Variants in CROCC2 observed in about 807,000 individuals in gnomAD.
CROCC2 encodes ciliary rootlet coiled-coil, rootletin family member 2, also known as ciliary rootlet coiled-coil protein 2.
CROCC2 carries 163 observed loss-of-function variants against 177.6 expected under a neutral mutation model. The ratio of observed to expected loss-of-function variants is 0.92; its 90% CI spans 0.81 to 1.05. The LOEUF (loss-of-function observed/expected upper bound fraction) is 1.05, where lower values mean the gene tolerates loss of function less well. Ranked by LOEUF, CROCC2 falls within the 50% of genes least tolerant of loss-of-function variation. The pLI, the probability that CROCC2 is intolerant of heterozygous loss-of-function variation, is 0.00. For synonymous variants in CROCC2, 904 were observed against 787.3 expected (o/e 1.15, Z -2.48); for missense variants, 1,929 against 1,797.8 (o/e 1.07, Z -1.32).
In CROCC2 at chr2:240,936,819, T is replaced by C. The variant is rs570436738; in HGVS notation, c.2169+1231T>C. Reference sequence around the variant, plus strand: ...TTCTACTGCCTTGGCCCTGTACTTATGTTGCATTGTGTGACACACACTTGG... The same window carrying C: ...TTCTACTGCCTTGGCCCTGTACTTACGTTGCATTGTGTGACACACACTTGG... On this transcript the variant is annotated intron_variant, in intron 14 of 31. Coordinates refer to ENST00000690015, the MANE Select transcript of CROCC2 (RefSeq NM_001351305.2). 1.9e-3 allele frequency among the ~76,000 whole-genome samples: 282 copies of C among 152,332 alleles called. 1 individual carries two copies. Among genetic ancestry groups the C allele is most frequent in the Non-Finnish European group, 3.1e-3 (212 of 68,030 alleles).
intron 5 of CROCC2, among the ~76,000 whole-genome samples, chr2:240,928,643 C>G (rs1285798481): frequency 6.6e-6 from 1 of 152,216 alleles, no homozygotes; most frequent in East Asian, 1.9e-4. Flanking sequence ...TCAGCCTGCT[C>G]TTGTGATGAA....
At chr2:240,961,821 A>ACT (rs2059639449) in intron 20 of CROCC2, among the ~76,000 whole-genome samples, 1 of 38,104 alleles carries the variant, frequency 2.6e-5, no homozygotes, top group Non-Finnish European at 5.3e-5. Flanking sequence ...ATACACTCAC[A>ACT]CACACGCACG....
Position 240,935,431 on chromosome 2 carries a change from A to G in CROCC2, c.2012A>G (p.Gln671Arg). ...LEQERARAGE[Q>R]LAQAEQQLAL... Reference sequence around the variant, plus strand: ...CAGGAACGGGCCCGGGCCGGGGAGCAGCTGGCACAGGCGGAGCAGCAGCTG... The same window carrying G: ...CAGGAACGGGCCCGGGCCGGGGAGCGGCTGGCACAGGCGGAGCAGCAGCTG... The change falls in exon 14 of 32, where the codon CAG becomes CGG. Residue 671 changes from glutamine (Q) to arginine (R), a missense_variant. Gln to Arg is a conservative substitution (Grantham distance 43, BLOSUM62 1). Around this residue, in one of 3 missense-constraint regions of CROCC2, gnomAD observed 1,397 missense variants for 1,239.9 expected, o/e 1.13. Coordinates refer to ENST00000690015, the MANE Select transcript of CROCC2 (RefSeq NM_001351305.2). 1 of 1,374,448 alleles carries G rather than the reference A, an allele frequency of 7.3e-7. No homozygotes were observed. Among genetic ancestry groups the G allele is most frequent in the South Asian group, 1.8e-5 (1 of 55,504 alleles). The allele number at this position is 1,374,448 out of a possible 1,614,324, so 85.1% of individuals were successfully genotyped here.
chr2:240,982,813 A>T lies in CROCC2; in HGVS notation c.4402-67A>T. The T allele has an allele frequency of 7.0e-7, 1 of 1,427,428 alleles. No individual in the cohort carries two copies. The highest frequency in any genetic ancestry group is 2.5e-5 in the East Asian group (1 of 39,948). 88.4% of individuals were successfully genotyped at this position (1,427,428 alleles called of 1,614,324 possible). On this transcript the variant is annotated intron_variant, in intron 27 of 31. Transcript: ENST00000690015. The surrounding 1 kb of genome is among the most constrained non-coding windows in gnomAD (Gnocchi z 4.7). ...CGGTCTAGGCAGATGCCCTGAGGCC[A>T]GGGTTTCCCTGCAGGGCCTCCCACC...
In CROCC2 at chr2:240,949,097, G is replaced by C. The variant is rs1397135077; in HGVS notation, c.2482G>C (p.Val828Leu). ...SAGLARQALQ[V>L]EMEQLQSDWE... ...AGGACTCGCGCGGCAGGCCTTGCAA[G>C]GTGCTCCAAGGGCGCTCCCTCAGCT... Residue 828 changes from valine to leucine, a missense_variant and splice_region_variant, in exon 16 of 32, where the codon GTG becomes CTG. Around this residue, in one of 3 missense-constraint regions of CROCC2, gnomAD observed 1,397 missense variants for 1,239.9 expected, o/e 1.13. Coordinates refer to ENST00000690015, the MANE Select transcript of CROCC2 (RefSeq NM_001351305.2). The surrounding 1 kb of genome is among the most constrained non-coding windows in gnomAD (Gnocchi z 4.5). The C allele has an allele frequency of 9.8e-6, 15 of 1,536,088 alleles. No homozygotes were observed. The highest frequency in any genetic ancestry group is 1.1e-5 in the Non-Finnish European group (12 of 1,141,670).
intron 8 of CROCC2, 63 bp downstream of exon 8, chr2:240,932,477 C>G: frequency 1.4e-6 from 1 of 714,428 alleles, no homozygotes; most frequent in Non-Finnish European, 2.6e-6. Context: ...CAGGAGTCTC[C>G]CCTGCCACAG....
intron 5 of CROCC2, among the ~76,000 whole-genome samples, chr2:240,928,977 G>C (rs1462754659): frequency 6.6e-6 from 1 of 151,442 alleles, no homozygotes; most frequent in Non-Finnish European, 1.5e-5. Context: ...GGCCAGGTAT[G>C]GGTTCAGAGA....
At chr2:240,920,633 G>A (rs1213423351) in intron 3 of CROCC2, among the ~76,000 whole-genome samples, 1 of 152,240 alleles carries the variant, frequency 6.6e-6, no homozygotes, top group East Asian at 1.9e-4. Flanking sequence ...GAGGCTGGCC[G>A]GGGCCGCTTG....
chr2:240,965,161 T>A (rs1043504932), intron 22 of CROCC2, among the ~76,000 whole-genome samples: 3 of 152,074 alleles, frequency 2.0e-5, no homozygotes, highest in African/African-American at 7.2e-5. Context: ...TTGTCCCAGG[T>A]CCTCCAAGGA....
chr2:240,919,558 C>T (rs2059344573), intron 2 of CROCC2, among the ~76,000 whole-genome samples: 1 of 152,066 alleles, frequency 6.6e-6, no homozygotes, highest in African/African-American at 2.4e-5. Flanking sequence ...TGTCCAGCCT[C>T]CTGCAGGCCC....
At chr2:240,967,242 C>T (rs945881581) in intron 25 of CROCC2, 103 bp from the exon 26 acceptor site, 32 of 517,902 alleles carry the variant, frequency 6.2e-5, no homozygotes, top group Non-Finnish European at 8.7e-5. Flanking sequence ...CACCTGCAGG[C>T]CAGACCGTGA....
intron 28 of CROCC2, 139 bp downstream of exon 28, chr2:240,983,168 G>A (rs2059813134): frequency 4.2e-6 from 4 of 950,422 alleles, no homozygotes; most frequent in African/African-American, 1.7e-5. Context: ...AGGCAGGTGA[G>A]CAGGCCTGCA....
chr2:240,939,822 T>C (rs1209142535), intron 14 of CROCC2, among the ~76,000 whole-genome samples: 2 of 152,210 alleles, frequency 1.3e-5, no homozygotes, highest in East Asian at 1.9e-4. Context: ...TATTTGGACA[T>C]ATATGGCCTA....
rs1420794023 is a variant in CROCC2 at position 240,932,839 on chromosome 2, C to T, written c.1182C>T (p.Ser394=). The T allele has an allele frequency of 6.5e-7, 1 of 1,544,820 alleles. No individual in the cohort carries two copies. The highest frequency in any genetic ancestry group is 2.0e-5 in the Admixed American group (1 of 50,418). The stretch of plus-strand genomic sequence containing the variant: ...GGGCGTCCCCACCACACATCTGCTC[C>T]CCAGCCACCCTGGACCCCGCACTGC... ...HQGASPPHIC[S]PATLDPALQA... The change falls in exon 9 of 32, where the codon TCC becomes TCT. Residue 394 remains serine (S), a synonymous_variant. Transcript: ENST00000690015.
intron 15 of CROCC2, among the ~76,000 whole-genome samples, chr2:240,946,520 G>C (rs1350581204): frequency 2.6e-5 from 4 of 152,238 alleles, no homozygotes; most frequent in African/African-American, 9.6e-5. Flanking sequence ...ACCAGGGGAA[G>C]GCAGATGTGG....
chr2:240,956,299 A>G (rs1230665835), intron 19 of CROCC2: 1 of 374,596 alleles, frequency 2.7e-6, no homozygotes, highest in Non-Finnish European at 5.0e-6. Context: ...CTGAGCCCAT[A>G]TGTGCACTGG....
At chr2:240,950,110 A>G (rs2059544722) in intron 17 of CROCC2, among the ~76,000 whole-genome samples, 1 of 152,104 alleles carries the variant, frequency 6.6e-6, no homozygotes. Context: ...ATGGTTTACA[A>G]ACTGATAGAT....
intron 2 of CROCC2, among the ~76,000 whole-genome samples, 174 bp from the exon 3 acceptor site, chr2:240,919,807 TGC>T (rs2059346126): frequency 6.6e-6 from 1 of 152,162 alleles, no homozygotes; most frequent in Non-Finnish European, 1.5e-5. Context: ...GTATGAAGTC[TGC>T]CTCCCTATGT....
intron 1 of CROCC2, among the ~76,000 whole-genome samples, chr2:240,909,683 C>T (rs2059275339): frequency 6.6e-6 from 1 of 152,216 alleles, no homozygotes; most frequent in African/African-American, 2.4e-5. Flanking sequence ...CAAATTCCCA[C>T]TGTCCCCAGG....
Sources: allele counts gnomAD v4.1 joint callset (sites outside exome capture counted in the v4.1 genomes callset), GRCh38; gene constraint gnomAD v4.1.1; regional missense constraint gnomAD v4.1.1; non-coding constraint Gnocchi (gnomAD v3.1); transcripts MANE v1.5; gene names NCBI Gene and HGNC (gene_info 2026-07-23, HGNC 2026-07-21).